Variants in AGBL1 observed in about 807,000 individuals in gnomAD.
AGBL1 encodes the protein cytosolic carboxypeptidase 4.
A neutral mutation model predicts 118.9 loss-of-function variants in AGBL1; 130 were observed. The ratio of observed to expected loss-of-function variants is 1.09; its 90% CI spans 0.95 to 1.26. The LOEUF is 1.26. Among genes scored for constraint, AGBL1 ranks in the 50% most tolerant of loss-of-function variants. AGBL1 has a pLI of 0.00. For missense variants in AGBL1, 1,584 were observed against 1,298.1 expected (o/e 1.22, Z -3.38); for synonymous variants, 555 against 478.9 (o/e 1.16, Z -2.08).
intron 22 of AGBL1, among the ~76,000 whole-genome samples, chr15:86,687,226 A>G (rs1294455507): frequency 6.6e-6 from 1 of 152,132 alleles, no homozygotes; most frequent in Non-Finnish European, 1.5e-5. Flanking sequence ...GCACACCTAG[A>G]AGCTGCTGTG....
At chr15:86,391,368 T>C (rs1405182953) in intron 17 of AGBL1, among the ~76,000 whole-genome samples, 2 of 152,170 alleles carry the variant, frequency 1.3e-5, no homozygotes, top group Non-Finnish European at 2.9e-5. Flanking sequence ...GTGTCTTATA[T>C]ACAAATTTTT....
chr15:86,714,966 G>T (rs1443209462), intron 22 of AGBL1, among the ~76,000 whole-genome samples: 1 of 152,090 alleles, frequency 6.6e-6, no homozygotes. Context: ...TGAAATTTAG[G>T]GTTGCTCAAA....
intron 19 of AGBL1, among the ~76,000 whole-genome samples, chr15:86,537,292 T>C (rs2083439728): frequency 6.6e-6 from 1 of 152,244 alleles, no homozygotes; most frequent in Non-Finnish European, 1.5e-5. Context: ...CCATCTGCTC[T>C]GATTGGGCTT....
At chr15:86,145,779 C>G (rs1401582528) in intron 3 of AGBL1, among the ~76,000 whole-genome samples, 1 of 152,172 alleles carries the variant, frequency 6.6e-6, no homozygotes, top group East Asian at 1.9e-4. Flanking sequence ...CCATGATGAC[C>G]AAGGCAGTTA....
At chr15:86,089,712 T>G (rs1895893424) in intron 1 of AGBL1, among the ~76,000 whole-genome samples, 3 of 152,038 alleles carry the variant, frequency 2.0e-5, no homozygotes, top group Admixed American at 2.0e-4. Flanking sequence ...GCTAGCTCAA[T>G]GCCCTACAGT....
intron 17 of AGBL1, among the ~76,000 whole-genome samples, chr15:86,370,842 G>A (rs146346068): frequency 6.6e-6 from 1 of 152,166 alleles, no homozygotes; most frequent in Non-Finnish European, 1.5e-5. Flanking sequence ...TAAGAGACTT[G>A]TGCATAGTAG....
intron 18 of AGBL1, among the ~76,000 whole-genome samples, chr15:86,496,963 T>C (rs2082862529): frequency 6.6e-6 from 1 of 152,020 alleles, no homozygotes; most frequent in Non-Finnish European, 1.5e-5. Flanking sequence ...GATATACATA[T>C]ACAGTGTGAA....
chr15:86,554,846 GT>G (rs144726239), intron 21 of AGBL1, among the ~76,000 whole-genome samples: 179 of 152,270 alleles, frequency 1.2e-3, no homozygotes, highest in African/African-American at 3.9e-3. Context: ...GCCTGGCTCT[GT>G]TGTTATATGC....
intron 1 of AGBL1, among the ~76,000 whole-genome samples, chr15:86,102,080 G>A (rs1004062619): frequency 1.1e-4 from 16 of 146,696 alleles, no homozygotes; most frequent in African/African-American, 4.0e-4. Context: ...TTGCTCTCTT[G>A]CCCAGGCTGG....
chr15:86,386,697 C>A (rs781650327), intron 17 of AGBL1, among the ~76,000 whole-genome samples: 2 of 152,026 alleles, frequency 1.3e-5, no homozygotes, highest in African/African-American at 4.8e-5. Context: ...CCATTACCTC[C>A]CTCTGCTTTA....
At chr15:86,854,289 T>C (rs1266147067) in intron 22 of AGBL1, among the ~76,000 whole-genome samples, 1 of 152,200 alleles carries the variant, frequency 6.6e-6, no homozygotes, top group Non-Finnish European at 1.5e-5. Context: ...CTTGGGTTCT[T>C]AGGGGCTTAG....
At chr15:86,600,278 A>T (rs1466402010) in intron 21 of AGBL1, among the ~76,000 whole-genome samples, 2 of 152,140 alleles carry the variant, frequency 1.3e-5, no homozygotes, top group Non-Finnish European at 2.9e-5. Flanking sequence ...TTACATTGAC[A>T]TGGTTATTTC....
chr15:86,917,441 G>T (rs1462161214), downstream of AGBL1, among the ~76,000 whole-genome samples: 1 of 152,152 alleles, frequency 6.6e-6, no homozygotes, highest in African/African-American at 2.4e-5. This position sits in a 1 kb window ranked among gnomAD's most constrained non-coding sequence, Gnocchi z 4.8. Context: ...GAGGATGTGT[G>T]CAAGAGGGTT....
At chr15:86,834,135 G>A (rs1042083401) in intron 22 of AGBL1, among the ~76,000 whole-genome samples, 4 of 152,038 alleles carry the variant, frequency 2.6e-5, no homozygotes, top group African/African-American at 9.7e-5. Context: ...GCCCTATGTC[G>A]GGATACCAGA....
intron 24 of AGBL1, among the ~76,000 whole-genome samples, chr15:87,026,438 C>T (rs1366863573): frequency 6.6e-6 from 1 of 151,968 alleles, no homozygotes; most frequent in African/African-American, 2.4e-5. Context: ...ATCAAAACCA[C>T]AATACACTGC....
chr15:86,880,419 G>A (rs1490051029), intron 22 of AGBL1, among the ~76,000 whole-genome samples: 2 of 152,192 alleles, frequency 1.3e-5, no homozygotes, highest in African/African-American at 4.8e-5. Flanking sequence ...ATGGAGCAGG[G>A]GATGGAGAAG....
At chr15:86,616,632 C>T (rs1052728456) in intron 21 of AGBL1, among the ~76,000 whole-genome samples, 13 of 152,114 alleles carry the variant, frequency 8.5e-5, no homozygotes, top group African/African-American at 3.1e-4. Flanking sequence ...AATGTTGAGT[C>T]ACTTGATGTT....
intron 16 of AGBL1, among the ~76,000 whole-genome samples, chr15:86,288,960 T>C (rs1435407510): frequency 6.6e-6 from 1 of 152,166 alleles, no homozygotes; most frequent in Non-Finnish European, 1.5e-5. Flanking sequence ...TTAATGCACT[T>C]GATCTTGAAT....
chr15:86,905,235 G>T (rs1200682050), intron 22 of AGBL1, among the ~76,000 whole-genome samples: 1 of 152,182 alleles, frequency 6.6e-6, no homozygotes, highest in Non-Finnish European at 1.5e-5. Flanking sequence ...CTGCAAGTTT[G>T]TGAGTGACTA....
Sources: gnomAD v4.1 joint callset for allele counts (sites outside exome capture counted in the v4.1 genomes callset) on GRCh38, gnomAD v4.1.1 for gene constraint, Gnocchi (gnomAD v3.1) non-coding constraint, MANE v1.5 for transcripts, NCBI Gene and HGNC (gene_info 2026-07-23, HGNC 2026-07-21) for gene names.